The following CLEC11A variants were observed in gnomAD, a reference collection of about 807,000 sequenced individuals.
CLEC11A encodes C-type lectin domain family 11 member A.
In CLEC11A, 35 loss-of-function variants were observed where a neutral mutation model predicts 33.9. That is an observed-to-expected ratio of 1.03 (90% confidence interval 0.79 to 1.37). The LOEUF (loss-of-function observed/expected upper bound fraction) is 1.37, where lower values mean the gene tolerates loss of function less well. Among genes scored for constraint, CLEC11A ranks in the 40% most tolerant of loss-of-function variants. The pLI, the probability that CLEC11A is intolerant of heterozygous loss-of-function variation, is 0.00. For missense variants in CLEC11A, 519 were observed against 455.5 expected (o/e 1.14, Z -1.27); for synonymous variants, 220 against 202.2 (o/e 1.09, Z -0.75).
In CLEC11A at chr19:50,725,048, C is replaced by A. The variant is rs1450833479; in HGVS notation, c.553C>A (p.His185Asn). Residue 185 changes from histidine to asparagine, a missense_variant, in exon 4 of 4, where the codon CAC becomes AAC. His to Asn is a moderately conservative substitution (Grantham distance 68). Transcript: ENST00000250340. ...EGCLKGLRLG[H>N]KCFLLSRDFE... ...CTGCCTGAAGGGGCTGCGCCTGGGC[C>A]ACAAGTGCTTCCTGCTCTCGCGCGA... The A allele has an allele frequency of 6.6e-7, 1 of 1,511,044 alleles. No individual in the cohort carries two copies. The highest frequency in any genetic ancestry group is 2.3e-5 in the Admixed American group (1 of 44,196). The allele number at this position is 1,511,044 out of a possible 1,614,324, so 93.6% of individuals were successfully genotyped here.
Position 50,725,153 on chromosome 19 carries a change from A to G in CLEC11A, c.658A>G (p.Met220Val), listed in dbSNP as rs769843229. Residue 220 changes from methionine (M) to valine (V), a missense_variant, in exon 4 of 4, where the codon ATG (methionine) becomes GTG (valine). Met to Val is a conservative substitution (Grantham distance 21). Coordinates refer to ENST00000250340, the MANE Select transcript of CLEC11A (RefSeq NM_002975.3). ...GGCGCAGCCGGCAGACCGCCAGCAGATGGAGGCGCTCACTCGGTACCTGCG... is the reference window on the plus strand; with the variant it reads ...GGCGCAGCCGGCAGACCGCCAGCAGGTGGAGGCGCTCACTCGGTACCTGCG... ...SLAQPADRQQ[M>V]EALTRYLRAA... 38 of 1,563,110 alleles carry G rather than the reference A, an allele frequency of 2.4e-5. No individual in the cohort carries two copies. The highest frequency in any genetic ancestry group is 1.7e-4 in the Middle Eastern group (1 of 5,984).
In CLEC11A at chr19:50,725,591, A is replaced by G; in HGVS notation, c.*124A>G. The stretch of plus-strand genomic sequence containing the variant: ...AATGGCAGCGTCCTCCCCGACCCCC[A>G]GTCTGGGCGCTTCTGGGAGGGCTCT... On this transcript the variant is annotated 3_prime_UTR_variant, in exon 4 of 4. Coordinates refer to ENST00000250340, the MANE Select transcript of CLEC11A (RefSeq NM_002975.3). 1 of 1,435,950 alleles carries G rather than the reference A, an allele frequency of 7.0e-7. No individual in the cohort carries two copies. The highest frequency in any genetic ancestry group is 9.2e-7 in the Non-Finnish European group (1 of 1,090,368). 89.0% of individuals were successfully genotyped at this position (1,435,950 alleles called of 1,614,324 possible). A position where few individuals can be genotyped will look rare whatever the true frequency, so the allele number is the denominator to read the frequency against.
Position 50,725,309 on chromosome 19 carries a change from C to T in CLEC11A, c.814C>T (p.Leu272Phe). 6.2e-7 allele frequency: 1 copy of T among 1,612,016 alleles called. No homozygotes were observed. Residue 272 changes from leucine to phenylalanine, a missense_variant, in exon 4 of 4, where the codon CTC (leucine) becomes TTC (phenylalanine). Physicochemically the swap from Leu to Phe is conservative, Grantham distance 22. Coordinates refer to ENST00000250340, the MANE Select transcript of CLEC11A (RefSeq NM_002975.3). ...CTGGCATCGCTCACCCCGCCCCGAG[C>T]TCGGCGCCCAGCCCAGCGCCTCGCC... Reference protein sequence around the residue: ...FAWHRSPRPELGAQPSASPHP... With the variant: ...FAWHRSPRPEFGAQPSASPHP...
Position 50,725,452 on chromosome 19 carries a change from C to A in CLEC11A, c.957C>A (p.Cys319Ter). ...GCCAGCGGCGTCTCTACTACGTCTGCGAGTTCCCCTTCTAGCGGGGCCGGT... is the reference window on the plus strand; with the variant it reads ...GCCAGCGGCGTCTCTACTACGTCTGAGAGTTCCCCTTCTAGCGGGGCCGGT... ...HDCQRRLYYV[C>*]EFPF Residue 319 changes from cysteine (C) to a stop codon, truncating the protein, a stop_gained, in exon 4 of 4, where the codon TGC (cysteine) becomes TGA (stop). Coordinates refer to ENST00000250340, the MANE Select transcript of CLEC11A (RefSeq NM_002975.3). LOFTEE classifies it high-confidence loss of function. The A allele has an allele frequency of 6.3e-7, 1 of 1,599,594 alleles. No homozygotes were observed. Among genetic ancestry groups the A allele is most frequent in the Non-Finnish European group, 8.5e-7 (1 of 1,170,904 alleles).
chr19:50,725,468 C>T lies in CLEC11A; in HGVS notation c.*1C>T, dbSNP rs202182666. On this transcript the variant is annotated 3_prime_UTR_variant, in exon 4 of 4. Transcript: ENST00000250340. ...CTACGTCTGCGAGTTCCCCTTCTAG[C>T]GGGGCCGGTACCCCGCCTCCCTGCC... 5 of 1,589,078 alleles carry T rather than the reference C, an allele frequency of 3.1e-6. No individual in the cohort carries two copies. Among genetic ancestry groups the T allele is most frequent in the African/African-American group, 2.7e-5 (2 of 74,216 alleles).
Position 50,725,370 on chromosome 19 carries a change from C to T in CLEC11A, c.875C>T (p.Thr292Met), listed in dbSNP as rs752610812. 23 of 1,611,998 alleles carry T rather than the reference C, an allele frequency of 1.4e-5. 1 individual carries two copies. The South Asian group carries it at 2.3e-4, about 16-fold the overall frequency. ...PLSPDQPNGGTLENCVAQASD... is the reference protein window; with the variant it reads ...PLSPDQPNGGMLENCVAQASD... ...AGCCCGGACCAGCCCAACGGTGGCA[C>T]GCTCGAGAACTGCGTGGCGCAGGCC... Residue 292 changes from threonine to methionine, a missense_variant, in exon 4 of 4, where the codon ACG becomes ATG. Thr to Met is a moderately conservative substitution (Grantham distance 81, BLOSUM62 -1). Transcript: ENST00000250340.
Position 50,724,894 on chromosome 19 carries a change from G to T in CLEC11A, c.527-128G>T. On this transcript the variant is annotated intron_variant, in intron 3 of 3. Transcript: ENST00000250340. This position sits in a 1 kb window ranked among gnomAD's most constrained non-coding sequence, Gnocchi z 4.1. ...TCCTGGCTCCCGCGGTTCTGACCAC[G>T]CCTCCTCCCAGCCCTCCCCATGAGT... The T allele has an allele frequency of 1.4e-6, 2 of 1,404,114 alleles. No homozygotes were observed. The highest frequency in any genetic ancestry group is 2.8e-5 in the East Asian group (1 of 35,828). The allele number at this position is 1,404,114 out of a possible 1,614,324, so 87.0% of individuals were successfully genotyped here. A position where few individuals can be genotyped will look rare whatever the true frequency, so the allele number is the denominator to read the frequency against.
chr19:50,724,314 C>A lies in CLEC11A; in HGVS notation c.335-96C>A. The stretch of plus-strand genomic sequence containing the variant: ...CGGGGTGCCCCCCCCACCGCCACCC[C>A]GCCCTCAGGAGCCCTAGATCCCAGT... On this transcript the variant is annotated intron_variant, in intron 2 of 3. Transcript: ENST00000250340. This position sits in a 1 kb window ranked among gnomAD's most constrained non-coding sequence, Gnocchi z 4.1. 1 of 1,151,700 alleles carries A rather than the reference C, an allele frequency of 8.7e-7. No homozygotes were observed. The highest frequency in any genetic ancestry group is 1.2e-6 in the Non-Finnish European group (1 of 842,618). The allele number at this position is 1,151,700 out of a possible 1,614,324, so 71.3% of individuals were successfully genotyped here.
chr19:50,724,973 A>C lies in CLEC11A; in HGVS notation c.527-49A>C. ...ATGTTTTGTCCTCGCCCCCTTCCAG[A>C]CTCTGAATGCATGACCCCGCCTCCT... On this transcript the variant is annotated intron_variant, in intron 3 of 3. Transcript: ENST00000250340. The surrounding 1 kb of genome is among the most constrained non-coding windows in gnomAD (Gnocchi z 4.1). The C allele has an allele frequency of 5.9e-6, 8 of 1,349,098 alleles. No homozygotes were observed. Among genetic ancestry groups the C allele is most frequent in the Middle Eastern group, 2.0e-4 (1 of 5,078 alleles). The allele number at this position is 1,349,098 out of a possible 1,614,324, so 83.6% of individuals were successfully genotyped here.
Position 50,724,304 on chromosome 19 carries a change from A to ACCCCCCCC in CLEC11A, c.335-104_335-103insCCCCCCCC. ...TCCAGGAGTCCGGGGTGCCCCCCCC[A>ACCCCCCCC]CCGCCACCCCGCCCTCAGGAGCCCT... is the stretch of plus-strand genomic sequence containing the variant. On this transcript the variant is annotated intron_variant, in intron 2 of 3. Transcript: ENST00000250340. The surrounding 1 kb of genome is among the most constrained non-coding windows in gnomAD (Gnocchi z 4.1). 2.4e-6 allele frequency: 1 copy of ACCCCCCCC among 418,810 alleles called. No homozygotes were observed. The highest frequency in any genetic ancestry group is 3.6e-6 in the Non-Finnish European group (1 of 277,148). The allele number at this position is 418,810 out of a possible 1,614,324, so 25.9% of individuals were successfully genotyped here. A position where few individuals can be genotyped will look rare whatever the true frequency, so the allele number is the denominator to read the frequency against.
Position 50,724,287 on chromosome 19 carries a change from T to C in CLEC11A, c.335-123T>C, listed in dbSNP as rs1017408234. 7.4e-6 allele frequency: 9 copies of C among 1,215,860 alleles called. No homozygotes were observed. The highest frequency in any genetic ancestry group is 1.6e-5 in the African/African-American group (1 of 64,412). The allele number at this position is 1,215,860 out of a possible 1,614,324, so 75.3% of individuals were successfully genotyped here. A position where few individuals can be genotyped will look rare whatever the true frequency, so the allele number is the denominator to read the frequency against. On this transcript the variant is annotated intron_variant, in intron 2 of 3. Coordinates refer to ENST00000250340, the MANE Select transcript of CLEC11A (RefSeq NM_002975.3). This position sits in a 1 kb window ranked among gnomAD's most constrained non-coding sequence, Gnocchi z 4.1. ...GCCACTCGACCCTACCTTCCAGGAGTCCGGGGTGCCCCCCCCACCGCCACC... is the reference window on the plus strand; with the variant it reads ...GCCACTCGACCCTACCTTCCAGGAGCCCGGGGTGCCCCCCCCACCGCCACC...
At position 50,725,137 on chromosome 19, in the gene CLEC11A, G is replaced by A. The variant is rs750140748; in HGVS notation, c.642G>A (p.Pro214=). 9 of 1,550,038 alleles carry A rather than the reference G, an allele frequency of 5.8e-6. No homozygotes were observed. In the African/African-American group the frequency reaches 9.6e-5, roughly 17 times the overall value. Residue 214 remains proline (P), a synonymous_variant, in exon 4 of 4, where the codon CCG becomes CCA. Transcript: ENST00000250340. ...CGCGGGGCGGGAGCCTGGCGCAGCC[G>A]GCAGACCGCCAGCAGATGGAGGCGC... The part of the protein sequence containing the change: ...CTARGGSLAQ[P]ADRQQMEALT...
At position 50,724,918 on chromosome 19, in the gene CLEC11A, G is replaced by A. The variant is rs2089172312; in HGVS notation, c.527-104G>A. 7.1e-7 allele frequency: 1 copy of A among 1,408,948 alleles called. No homozygotes were observed. The highest frequency in any genetic ancestry group is 9.2e-7 in the Non-Finnish European group (1 of 1,086,292). The allele number at this position is 1,408,948 out of a possible 1,614,324, so 87.3% of individuals were successfully genotyped here. The stretch of plus-strand genomic sequence containing the variant: ...CGCCTCCTCCCAGCCCTCCCCATGA[G>A]TTCCTGGCCCCGCCTCCCTCCACCC... On this transcript the variant is annotated intron_variant, in intron 3 of 3. Coordinates refer to ENST00000250340, the MANE Select transcript of CLEC11A (RefSeq NM_002975.3). The surrounding 1 kb of genome is among the most constrained non-coding windows in gnomAD (Gnocchi z 4.1).
rs577074457 is a variant in CLEC11A, at chr19:50,723,826, G to C, written c.148-79G>C. Reference sequence around the variant, plus strand: ...TCAGAGACAGGACTCAGGCAGCAGAGAATGAGTTATGAGTTGGAAAGGGGT... The same window carrying C: ...TCAGAGACAGGACTCAGGCAGCAGACAATGAGTTATGAGTTGGAAAGGGGT... On this transcript the variant is annotated intron_variant, in intron 1 of 3. Transcript: ENST00000250340. This position sits in a 1 kb window ranked among gnomAD's most constrained non-coding sequence, Gnocchi z 4.1. 262 of 1,547,702 alleles carry C rather than the reference G, an allele frequency of 1.7e-4. No homozygotes were observed. The highest frequency in any genetic ancestry group is 2.2e-4 in the Non-Finnish European group (252 of 1,148,424).
At position 50,724,843 on chromosome 19, in the gene CLEC11A, GC is replaced by G; in HGVS notation, c.527-175del. 1.4e-6 allele frequency: 2 copies of G among 1,388,212 alleles called. No homozygotes were observed. Among genetic ancestry groups the G allele is most frequent in the Non-Finnish European group, 9.3e-7 (1 of 1,074,416 alleles). The allele number at this position is 1,388,212 out of a possible 1,614,324, so 86.0% of individuals were successfully genotyped here. On this transcript the variant is annotated intron_variant, in intron 3 of 3. Coordinates refer to ENST00000250340, the MANE Select transcript of CLEC11A (RefSeq NM_002975.3). The surrounding 1 kb of genome is among the most constrained non-coding windows in gnomAD (Gnocchi z 4.1). ...AGTCCAGCTCCCACCGCCTGGCCCC[GC>G]CCCTGGCGGACCAGACTCTCCACCT...
Position 50,725,034 on chromosome 19 carries a change from G to A in CLEC11A, c.539G>A (p.Gly180Glu), listed in dbSNP as rs1379711883. ...EHGRLEGCLKGLRLGHKCFLL... is the reference protein window; with the variant it reads ...EHGRLEGCLKELRLGHKCFLL... ...GCCCCGCCCACAGGCTGCCTGAAGG[G>A]GCTGCGCCTGGGCCACAAGTGCTTC... Residue 180 changes from glycine to glutamate, a missense_variant, in exon 4 of 4, where the codon GGG becomes GAG. By Grantham distance (98) the Gly-to-Glu change is moderately conservative. Transcript: ENST00000250340. 3.3e-6 allele frequency: 5 copies of A among 1,495,574 alleles called. No individual in the cohort carries two copies. Among genetic ancestry groups the A allele is most frequent in the South Asian group, 2.7e-5 (2 of 75,062 alleles). The allele number at this position is 1,495,574 out of a possible 1,614,324, so 92.6% of individuals were successfully genotyped here. A position where few individuals can be genotyped will look rare whatever the true frequency, so the allele number is the denominator to read the frequency against.
At position 50,724,314 on chromosome 19, in the gene CLEC11A, C is replaced by CCCCCCCCCGG; in HGVS notation, c.335-96_335-95insCCCCCCCCGG. 1 of 1,151,696 alleles carries CCCCCCCCCGG rather than the reference C, an allele frequency of 8.7e-7. No individual in the cohort carries two copies. The allele number at this position is 1,151,696 out of a possible 1,614,324, so 71.3% of individuals were successfully genotyped here. On this transcript the variant is annotated intron_variant, in intron 2 of 3. Transcript: ENST00000250340. This position sits in a 1 kb window ranked among gnomAD's most constrained non-coding sequence, Gnocchi z 4.1. ...CGGGGTGCCCCCCCCACCGCCACCC[C>CCCCCCCCCGG]GCCCTCAGGAGCCCTAGATCCCAGT...
chr19:50,724,367 A>T lies in CLEC11A; in HGVS notation c.335-43A>T. On this transcript the variant is annotated intron_variant, in intron 2 of 3. Coordinates refer to ENST00000250340, the MANE Select transcript of CLEC11A (RefSeq NM_002975.3). The surrounding 1 kb of genome is among the most constrained non-coding windows in gnomAD (Gnocchi z 4.1). ...TCCAGGTCCTCAGGCCCCCCGCTGC[A>T]TCTCCAGGCTCCCCCTCCAGCATGA... The T allele has an allele frequency of 7.3e-7, 1 of 1,375,252 alleles. No individual in the cohort carries two copies. The highest frequency in any genetic ancestry group is 9.4e-7 in the Non-Finnish European group (1 of 1,064,168). 85.2% of individuals were successfully genotyped at this position (1,375,252 alleles called of 1,614,324 possible). A position where few individuals can be genotyped will look rare whatever the true frequency, so the allele number is the denominator to read the frequency against.
Position 50,725,183 on chromosome 19 carries a change from G to A in CLEC11A, c.688G>A (p.Ala230Thr). The change falls in exon 4 of 4, where the codon GCG (alanine) becomes ACG (threonine). Residue 230 changes from alanine to threonine, a missense_variant. By Grantham distance (58) the Ala-to-Thr change is moderately conservative (BLOSUM62 0). Transcript: ENST00000250340. The part of the protein sequence containing the change: ...MEALTRYLRA[A>T]LAPYNWPVWL... The stretch of plus-strand genomic sequence containing the variant: ...GGCGCTCACTCGGTACCTGCGCGCG[G>A]CGCTCGCTCCCTACAACTGGCCCGT... 6.3e-7 allele frequency: 1 copy of A among 1,582,112 alleles called. No homozygotes were observed. The highest frequency in any genetic ancestry group is 8.6e-7 in the Non-Finnish European group (1 of 1,165,548).
Sources: gnomAD v4.1 joint callset for allele counts on GRCh38, gnomAD v4.1.1 for gene constraint, Gnocchi (gnomAD v3.1) non-coding constraint, MANE v1.5 for transcripts, NCBI Gene and HGNC (gene_info 2026-07-23, HGNC 2026-07-21) for gene names.